HDAC4: variants seen among roughly 807,000 people sequenced by gnomAD.
HDAC4 encodes histone deacetylase 4.
Under a neutral mutation model 135.1 loss-of-function variants are expected in HDAC4, and 16 were observed. The ratio of observed to expected loss-of-function variants is 0.12; its 90% CI spans 0.08 to 0.18. The LOEUF is 0.18. Among genes scored for constraint, HDAC4 ranks in the 10% least tolerant of loss-of-function variants. HDAC4 has a pLI of 1.00. For synonymous variants in HDAC4, 685 were observed against 653.4 expected, an observed-to-expected ratio of 1.05 and a Z score of -0.74; for missense variants, 1,143 against 1,511.8, an observed-to-expected ratio of 0.76 and a Z score of 4.05.
At chr2:239,348,347 G>C (rs1359985820) in intron 2 of HDAC4, among the ~76,000 whole-genome samples, 2 of 152,250 alleles carry the variant, frequency 1.3e-5, no homozygotes, top group Admixed American at 6.5e-5. Flanking sequence ...TTCTGGGCAA[G>C]ACTTTCTCTA....
At chr2:239,216,127 T>C (rs1393250010) in intron 3 of HDAC4, among the ~76,000 whole-genome samples, 1 of 152,170 alleles carries the variant, frequency 6.6e-6, no homozygotes, top group African/African-American at 2.4e-5. Context: ...ATATTATGCA[T>C]GCTTTTCCCC....
chr2:239,065,466 G>A (rs1248177102), intron 24 of HDAC4, among the ~76,000 whole-genome samples: 1 of 152,218 alleles, frequency 6.6e-6, no homozygotes, highest in Non-Finnish European at 1.5e-5. Context: ...AGCTGAAAAT[G>A]AGGATGCTGC....
At chr2:239,395,103 G>T (rs921180227) in intron 1 of HDAC4, among the ~76,000 whole-genome samples, 13 of 152,208 alleles carry the variant, frequency 8.5e-5, no homozygotes, top group Non-Finnish European at 1.6e-4. Context: ...CAAGGAAGGG[G>T]AACAGTGTGT....
At chr2:239,340,614 G>A (rs1395296370) in intron 2 of HDAC4, among the ~76,000 whole-genome samples, 1 of 152,200 alleles carries the variant, frequency 6.6e-6, no homozygotes, top group Non-Finnish European at 1.5e-5. Context: ...GCCTGGACAT[G>A]GAGACACACA....
chr2:239,324,931 C>A (rs927597833), intron 2 of HDAC4, among the ~76,000 whole-genome samples: 1 of 152,214 alleles, frequency 6.6e-6, no homozygotes, highest in African/African-American at 2.4e-5. Flanking sequence ...CAAAGCACAA[C>A]TTCAGAAATG....
chr2:239,107,836 G>A (rs997074371), intron 15 of HDAC4, among the ~76,000 whole-genome samples: 2 of 152,224 alleles, frequency 1.3e-5, no homozygotes, highest in Non-Finnish European at 2.9e-5. Context: ...TTCCTGCAGG[G>A]AGGGTACGGG....
intron 2 of HDAC4, among the ~76,000 whole-genome samples, chr2:239,288,813 A>C (rs1490239404): frequency 6.6e-6 from 1 of 152,264 alleles, no homozygotes; most frequent in East Asian, 1.9e-4. Flanking sequence ...GACCTGATGG[A>C]GGGAAAGAGA....
At position 239,052,812 on chromosome 2, in the gene HDAC4, C is replaced by T. The variant is rs1359080230; in HGVS notation, c.*285G>A. ...CTCCTTTCTTCCACGGCGTCCCTTGCGGGACCCGCCAGAGTGTGCTTGGCT... is the reference window on the plus strand; with the variant it reads ...CTCCTTTCTTCCACGGCGTCCCTTGTGGGACCCGCCAGAGTGTGCTTGGCT... On this transcript the variant is annotated 3_prime_UTR_variant, in exon 27 of 27. Coordinates refer to ENST00000543185, the MANE Select transcript of HDAC4 (RefSeq NM_001378414.1). The T allele has an allele frequency of 1.7e-5, 8 of 468,390 alleles. No individual in the cohort carries two copies. Among genetic ancestry groups the T allele is most frequent in the African/African-American group, 3.9e-5 (2 of 51,494 alleles). The allele number at this position is 468,390 out of a possible 1,614,324, so 29.0% of individuals were successfully genotyped here.
chr2:239,350,601 T>C (rs1322188661), intron 2 of HDAC4, among the ~76,000 whole-genome samples: 3 of 152,098 alleles, frequency 2.0e-5, no homozygotes, highest in African/African-American at 7.2e-5. Context: ...CCTCCCAGGT[T>C]CAAGCGATTA....
chr2:239,360,398 A>C (rs1207794578), intron 1 of HDAC4, among the ~76,000 whole-genome samples: 1 of 152,224 alleles, frequency 6.6e-6, no homozygotes, highest in Non-Finnish European at 1.5e-5. Context: ...GGGCTAAAAA[A>C]GTAGCTCCAA....
At chr2:239,112,017 T>C (rs1202620138) in intron 13 of HDAC4, among the ~76,000 whole-genome samples, 2 of 152,070 alleles carry the variant, frequency 1.3e-5, no homozygotes, top group Admixed American at 1.3e-4. Flanking sequence ...ACAGGTTGAG[T>C]CAGGGGGTCC....
At chr2:239,353,886 A>G (rs941650094) in intron 1 of HDAC4, among the ~76,000 whole-genome samples, 3 of 152,234 alleles carry the variant, frequency 2.0e-5, no homozygotes, top group African/African-American at 4.8e-5. Flanking sequence ...TCGTAGTCAC[A>G]ATGTCTGTGT....
chr2:239,190,635 C>A (rs138341440), intron 3 of HDAC4, among the ~76,000 whole-genome samples: 13 of 152,322 alleles, frequency 8.5e-5, no homozygotes, highest in Admixed American at 2.0e-4. Flanking sequence ...CATGGTGAGA[C>A]AAGCGCCCCC....
At chr2:239,112,671 C>G (rs867665822) in intron 13 of HDAC4, among the ~76,000 whole-genome samples, 5 of 152,282 alleles carry the variant, frequency 3.3e-5, no homozygotes, top group Middle Eastern at 6.8e-3. Flanking sequence ...GAGATGAGGT[C>G]ACAGCTGCCA....
In HDAC4 at chr2:239,134,563, G is replaced by A. The variant is rs747485425; in HGVS notation, c.1059C>T (p.Asn353=). 7 of 1,614,100 alleles carry A rather than the reference G, an allele frequency of 4.3e-6. No homozygotes were observed. Among genetic ancestry groups the A allele is most frequent in the Admixed American group, 1.7e-5 (1 of 60,012 alleles). Reference sequence around the variant, plus strand: ...CGGTGGCAGGCAGGCCCAGCGTGATGTTGGGCAAGGATGGCGATGTGTAGA... The same window carrying A: ...CGGTGGCAGGCAGGCCCAGCGTGATATTGGGCAAGGATGGCGATGTGTAGA... ...LPLYTSPSLP[N]ITLGLPATGP... Residue 353 remains asparagine, a synonymous_variant, in exon 10 of 27, where the codon AAC becomes AAT. Coordinates refer to ENST00000543185, the MANE Select transcript of HDAC4 (RefSeq NM_001378414.1).
intron 4 of HDAC4, among the ~76,000 whole-genome samples, chr2:239,188,762 C>A (rs1258590955): frequency 1.3e-5 from 2 of 152,246 alleles, no homozygotes; most frequent in Non-Finnish European, 2.9e-5. Flanking sequence ...CTGTGGCTTC[C>A]ATGTTGGCCA....
chr2:239,287,623 C>T (rs956421443), intron 2 of HDAC4, among the ~76,000 whole-genome samples: 1 of 152,178 alleles, frequency 6.6e-6, no homozygotes, highest in African/African-American at 2.4e-5. Context: ...AGAGAGAGAA[C>T]ACTGGGTGCA....
intron 1 of HDAC4, among the ~76,000 whole-genome samples, chr2:239,361,667 T>C (rs34624648): frequency 0.17 from 25,924 of 152,228 alleles, 2,430 homozygotes; most frequent in Middle Eastern, 0.22. Context: ...GTCTTTTCTA[T>C]TGGATATGGG....
intron 11 of HDAC4, among the ~76,000 whole-genome samples, chr2:239,132,869 C>G (rs1188567680): frequency 6.6e-6 from 1 of 152,180 alleles, no homozygotes; most frequent in Non-Finnish European, 1.5e-5. Flanking sequence ...AGGCGAGAAA[C>G]TCAGGTGTCC....
Sources: gnomAD v4.1 joint callset for allele counts (sites outside exome capture counted in the v4.1 genomes callset) on GRCh38, gnomAD v4.1.1 for gene constraint, MANE v1.5 for transcripts, NCBI Gene and HGNC (gene_info 2026-07-23, HGNC 2026-07-21) for gene names.